TEDC1: variants seen among roughly 807,000 people sequenced by gnomAD.
The protein encoded by TEDC1 is tubulin epsilon and delta complex 1.
A neutral mutation model predicts 59.9 loss-of-function variants in TEDC1; 54 were observed. The ratio of observed to expected loss-of-function variants is 0.90; its 90% CI spans 0.72 to 1.13. The LOEUF is 1.13. Among genes scored for constraint, TEDC1 ranks in the 50% most tolerant of loss-of-function variants. TEDC1 has a pLI of 0.00. For synonymous variants in TEDC1, 353 were observed against 298.1 expected, an observed-to-expected ratio of 1.18 and a Z score of -1.90; for missense variants, 734 against 683.4, an observed-to-expected ratio of 1.07 and a Z score of -0.83.
Position 105,493,757 on chromosome 14 carries a change from C to T in TEDC1, c.586-78C>T, listed in dbSNP as rs2084273276. The stretch of plus-strand genomic sequence containing the variant: ...GGAGGTGGGCTCTGATGGCCGACCT[C>T]CCTGGACTCATGGAGACTCAGCGTT... On this transcript the variant is annotated intron_variant, in intron 4 of 8. Coordinates refer to ENST00000392523, the MANE Select transcript of TEDC1 (RefSeq NM_001367178.1). 3.8e-6 allele frequency: 4 copies of T among 1,060,592 alleles called. No homozygotes were observed. In the South Asian group the frequency reaches 4.0e-5, roughly 11 times the overall value. The allele number at this position is 1,060,592 out of a possible 1,614,324, so 65.7% of individuals were successfully genotyped here.
intron 5 of TEDC1, 200 bp from the exon 6 acceptor site, chr14:105,495,680 C>T (rs1195490456): frequency 6.8e-6 from 4 of 584,354 alleles, no homozygotes; most frequent in Non-Finnish European, 1.2e-5. Flanking sequence ...TCAGCGAAGC[C>T]CAGGCTTCTG....
chr14:105,498,173 C>T (rs1215229339), intron 8 of TEDC1, among the ~76,000 whole-genome samples, 196 bp downstream of exon 8: 1 of 152,196 alleles, frequency 6.6e-6, no homozygotes, highest in Non-Finnish European at 1.5e-5. Flanking sequence ...CAGCCCCCGC[C>T]CCTCCTGCGG....
intron 5 of TEDC1, 40 bp downstream of exon 5, chr14:105,493,973 C>T: frequency 5.5e-6 from 1 of 181,176 alleles, no homozygotes; most frequent in Non-Finnish European, 9.9e-6. Flanking sequence ...TGGGGGTGGG[C>T]TGGGGGGCAC....
At chr14:105,497,115 C>A (rs782379194) in intron 6 of TEDC1, 17 of 584,932 alleles carry the variant, frequency 2.9e-5, no homozygotes, top group Non-Finnish European at 4.8e-5. Flanking sequence ...CCTGGCCGTG[C>A]ACTGGTTGGG....
chr14:105,492,796 C>G, intron 4 of TEDC1, 62 bp downstream of exon 4: 1 of 1,512,446 alleles, frequency 6.6e-7, no homozygotes, highest in Non-Finnish European at 8.8e-7. Context: ...CGCCAGCTGC[C>G]AGTCCCTGCA....
At chr14:105,494,131 A>C (rs1157273187) in intron 5 of TEDC1, 198 bp downstream of exon 5, 2 of 594,736 alleles carry the variant, frequency 3.4e-6, no homozygotes, top group Admixed American at 2.9e-5. Context: ...CTCATGGGCC[A>C]CTCACCCTTC....
rs1413242366 is a variant in TEDC1 at position 105,494,149 on chromosome 14, C to CA, written c.684+219dup. ...ATGGGCCACTCACCCTTCCCTTCCA[C>CA]AAATCAAGACGTGGCACGGGTGGGG... On this transcript the variant is annotated intron_variant, in intron 5 of 8. Coordinates refer to ENST00000392523, the MANE Select transcript of TEDC1 (RefSeq NM_001367178.1). 3 of 587,940 alleles carry CA rather than the reference C, an allele frequency of 5.1e-6. No homozygotes were observed. In the African/African-American group the frequency reaches 5.6e-5, roughly 11 times the overall value. The allele number at this position is 587,940 out of a possible 1,614,324, so 36.4% of individuals were successfully genotyped here.
intron 5 of TEDC1, chr14:105,494,286 T>A: frequency 2.9e-6 from 1 of 339,988 alleles, no homozygotes; most frequent in Non-Finnish European, 5.6e-6. Context: ...CTCAAGCAGG[T>A]CTCACTTGGT....
At chr14:105,492,529 T>TGG (rs11379993) in intron 3 of TEDC1, 50 bp from the exon 4 acceptor site, 1 of 1,509,508 alleles carries the variant, frequency 6.6e-7, no homozygotes, top group African/African-American at 1.4e-5. Context: ...TGGCCTTTTC[T>TGG]GGGGGGCAGG....
At chr14:105,498,011 G>T in intron 8 of TEDC1, 34 bp downstream of exon 8, 1 of 1,477,952 alleles carries the variant, frequency 6.8e-7, no homozygotes, top group Non-Finnish European at 9.0e-7. Context: ...CACCAGCCCA[G>T]CCCCACCTTC....
At position 105,498,467 on chromosome 14, in the gene TEDC1, C is replaced by G. The variant is rs1426974774; in HGVS notation, c.1159-150C>G. On this transcript the variant is annotated intron_variant, in intron 8 of 8. Coordinates refer to ENST00000392523, the MANE Select transcript of TEDC1 (RefSeq NM_001367178.1). The stretch of plus-strand genomic sequence containing the variant: ...CTTAAATTGCAGGCATGATTTTCCC[C>G]TTAAAATTTTCAGTAAGCCTCTCTG... 5 of 871,796 alleles carry G rather than the reference C, an allele frequency of 5.7e-6. No individual in the cohort carries two copies. In the South Asian group the frequency reaches 7.4e-5, roughly 13 times the overall value. The allele number at this position is 871,796 out of a possible 1,614,324, so 54.0% of individuals were successfully genotyped here.
At position 105,497,794 on chromosome 14, in the gene TEDC1, G is replaced by A; in HGVS notation, c.979-4G>A. 1 of 1,548,688 alleles carries A rather than the reference G, an allele frequency of 6.5e-7. No homozygotes were observed. Among genetic ancestry groups the A allele is most frequent in the Non-Finnish European group, 8.7e-7 (1 of 1,145,062 alleles). ...TGCACGCTGTCTCACTTGGGTCTCTGTAGGACACGGTCCTGGGCACCTGTG... is the reference window on the plus strand; with the variant it reads ...TGCACGCTGTCTCACTTGGGTCTCTATAGGACACGGTCCTGGGCACCTGTG... On this transcript the variant is annotated splice_polypyrimidine_tract_variant and splice_region_variant and intron_variant, in intron 7 of 8. Coordinates refer to ENST00000392523, the MANE Select transcript of TEDC1 (RefSeq NM_001367178.1).
chr14:105,497,993 G>T lies in TEDC1; in HGVS notation c.1158+16G>T. 6.6e-7 allele frequency: 1 copy of T among 1,504,570 alleles called. No individual in the cohort carries two copies. The highest frequency in any genetic ancestry group is 1.4e-5 in the African/African-American group (1 of 72,300). 93.2% of individuals were successfully genotyped at this position (1,504,570 alleles called of 1,614,324 possible). A position where few individuals can be genotyped will look rare whatever the true frequency, so the allele number is the denominator to read the frequency against. ...GGAGGCCAAGGTGAGTGCCAGCCTC[G>T]CTCTGGGCACCAGCCCAGCCCCACC... On this transcript the variant is annotated intron_variant, in intron 8 of 8. Transcript: ENST00000392523.
Position 105,491,678 on chromosome 14 carries a change from C to T in TEDC1, c.204C>T (p.Asn68=), listed in dbSNP as rs587744754. The change falls in exon 2 of 9, where the codon AAC becomes AAT. Residue 68 remains asparagine, a synonymous_variant. Coordinates refer to ENST00000392523, the MANE Select transcript of TEDC1 (RefSeq NM_001367178.1). ...FRVLSPLPAG[N]ALASLALEVQ... ...TGCTCTCGCCACTCCCTGCGGGCAA[C>T]GCCTTGGCATCGCTCGCCCTGGGTA... 6.5e-7 allele frequency: 1 copy of T among 1,549,450 alleles called. No homozygotes were observed. The highest frequency in any genetic ancestry group is 1.2e-5 in the South Asian group (1 of 84,060).
At chr14:105,490,744 G>C, upstream of TEDC1, 1 of 449,352 alleles carries the variant, frequency 2.2e-6, no homozygotes. Flanking sequence ...GCGGGCTCTG[G>C]GCGCCTCCTG....
chr14:105,492,306 C>T lies in TEDC1; in HGVS notation c.426C>T (p.Cys142=). 5 of 1,602,906 alleles carry T rather than the reference C, an allele frequency of 3.1e-6. No homozygotes were observed. The highest frequency in any genetic ancestry group is 4.2e-6 in the Non-Finnish European group (5 of 1,179,818). ...CTCTGGGTGACGAGATGACTGTGTG[C>T]CAGGTGCGTGTGGGTGAGGGTGAGC... ...RVPLGDEMTV[C]QCEALASPGP... The change falls in exon 3 of 9, where the codon TGC becomes TGT. Residue 142 remains cysteine, a synonymous_variant. Coordinates refer to ENST00000392523, the MANE Select transcript of TEDC1 (RefSeq NM_001367178.1).
chr14:105,492,186 T>A lies in TEDC1; in HGVS notation c.306T>A (p.Asp102Glu), dbSNP rs1555439566. Residue 102 changes from aspartate to glutamate, a missense_variant, in exon 3 of 9, where the codon GAT (aspartate) becomes GAA (glutamate). By Grantham distance (45) the Asp-to-Glu change is conservative (BLOSUM62 2). Coordinates refer to ENST00000392523, the MANE Select transcript of TEDC1 (RefSeq NM_001367178.1). ...TGGCACTGGCACAACTACCTGAGGA[T>A]GGCTCGCAGGGCAGTCGGGAGCTGC... ...PRLALAQLPEDGSQGSRELLL... is the reference protein window; with the variant it reads ...PRLALAQLPEEGSQGSRELLL... 6.2e-7 allele frequency: 1 copy of A among 1,612,856 alleles called. No homozygotes were observed. The highest frequency in any genetic ancestry group is 2.2e-5 in the East Asian group (1 of 44,898).
At chr14:105,490,830 C>T (rs1186551139), upstream of TEDC1, 8 of 637,644 alleles carry the variant, frequency 1.3e-5, no homozygotes, top group Admixed American at 4.8e-5. Flanking sequence ...CACAGGGCGC[C>T]TTCCGGAGTC....
At position 105,497,824 on chromosome 14, in the gene TEDC1, G is replaced by T; in HGVS notation, c.1005G>T (p.Pro335=). The T allele has an allele frequency of 6.4e-7, 1 of 1,572,434 alleles. No individual in the cohort carries two copies. Among genetic ancestry groups the T allele is most frequent in the East Asian group, 2.3e-5 (1 of 43,168 alleles). Residue 335 remains proline, a synonymous_variant, in exon 8 of 9, where the codon CCG becomes CCT. Coordinates refer to ENST00000392523, the MANE Select transcript of TEDC1 (RefSeq NM_001367178.1). ...WMDTVLGTCA[P]EVPAAASQPT... ...ACACGGTCCTGGGCACCTGTGCCCCGGAGGTGCCTGCTGCAGCCTCACAGC... is the reference window on the plus strand; with the variant it reads ...ACACGGTCCTGGGCACCTGTGCCCCTGAGGTGCCTGCTGCAGCCTCACAGC...
Sources: gnomAD v4.1 joint callset for allele counts (sites outside exome capture counted in the v4.1 genomes callset) on GRCh38, gnomAD v4.1.1 for gene constraint, MANE v1.5 for transcripts, NCBI Gene and HGNC (gene_info 2026-07-23, HGNC 2026-07-21) for gene names.